HEATR5B: variants seen among roughly 807,000 people sequenced by gnomAD.
HEATR5B encodes the protein HEAT repeat-containing protein 5B.
Under a neutral mutation model 224.1 loss-of-function variants are expected in HEATR5B, and 156 were observed. That is an observed-to-expected ratio of 0.70 (90% CI 0.61 to 0.80). The LOEUF (loss-of-function observed/expected upper bound fraction) is 0.80. HEATR5B is among the 30% of genes least tolerant of loss of function. The pLI is 0.00. For synonymous variants in HEATR5B, 1,027 were observed against 893.0 expected (o/e 1.15, Z -2.68); for missense variants, 2,323 against 2,535.5 (o/e 0.92, Z 1.80).
At chr2:37,037,748 C>T in intron 21 of HEATR5B, 107 bp downstream of exon 21, 1 of 686,672 alleles carries the variant, frequency 1.5e-6, no homozygotes, top group Non-Finnish European at 2.1e-6. Flanking sequence ...CAAAATACCC[C>T]AAGTACCCCA....
chr2:37,082,101 C>T (rs1672615686), intron 2 of HEATR5B, among the ~76,000 whole-genome samples: 4 of 92,536 alleles, frequency 4.3e-5, no homozygotes, highest in Non-Finnish European at 5.9e-5. Flanking sequence ...TGGAGTTTCA[C>T]TCTTGTCCCC....
At chr2:37,012,600 G>C (rs1667854486) in intron 27 of HEATR5B, among the ~76,000 whole-genome samples, 1 of 152,142 alleles carries the variant, frequency 6.6e-6, no homozygotes, top group Non-Finnish European at 1.5e-5. Flanking sequence ...ATATTGGCCA[G>C]GCTGGTCTCG....
chr2:37,068,130 T>C (rs1395236982), intron 8 of HEATR5B, among the ~76,000 whole-genome samples: 1 of 152,180 alleles, frequency 6.6e-6, no homozygotes, highest in East Asian at 1.9e-4. Flanking sequence ...ATTTAAACCC[T>C]GAATTACTGC....
At chr2:37,033,977 G>A (rs1234000696) in intron 21 of HEATR5B, among the ~76,000 whole-genome samples, 6 of 152,136 alleles carry the variant, frequency 3.9e-5, no homozygotes, top group Non-Finnish European at 8.8e-5. Flanking sequence ...CTTTTAGAAA[G>A]AGTCCCAGAC....
intron 4 of HEATR5B, 72 bp downstream of exon 4, chr2:37,076,835 GAAAC>G: frequency 8.9e-7 from 1 of 1,120,858 alleles, no homozygotes; most frequent in Non-Finnish European, 1.3e-6. Flanking sequence ...GACAGAAAAA[GAAAC>G]AAACATATTT....
At chr2:36,988,947 T>A (rs1182411395) in intron 34 of HEATR5B, 88 bp from the exon 35 acceptor site, 1 of 931,556 alleles carries the variant, frequency 1.1e-6, no homozygotes, top group African/African-American at 1.7e-5. Flanking sequence ...GTACTGAAAA[T>A]AAGTGATACT....
intron 31 of HEATR5B, among the ~76,000 whole-genome samples, chr2:37,003,260 CAAAAAA>C (rs757178937): frequency 3.5e-5 from 2 of 56,872 alleles, no homozygotes; most frequent in African/African-American, 7.4e-5. Flanking sequence ...GTCCCGCCCG[CAAAAAA>C]AAAAAAAAAA....
At chr2:37,004,159 A>G (rs1331920855) in intron 30 of HEATR5B, among the ~76,000 whole-genome samples, 3 of 152,048 alleles carry the variant, frequency 2.0e-5, no homozygotes, top group Non-Finnish European at 2.9e-5. Context: ...CTTCCATACC[A>G]AATCCATCCA....
intron 27 of HEATR5B, among the ~76,000 whole-genome samples, chr2:37,010,017 C>A (rs1173111607): frequency 6.6e-6 from 1 of 152,146 alleles, no homozygotes; most frequent in African/African-American, 2.4e-5. Context: ...CATACATTAC[C>A]TGTATCCTTT....
At position 37,070,379 on chromosome 2, in the gene HEATR5B, G is replaced by T; in HGVS notation, c.778C>A (p.Gln260Lys). Residue 260 changes from glutamine to lysine, a missense_variant, in exon 7 of 36, where the codon CAG (glutamine) becomes AAG (lysine). Gln to Lys is a moderately conservative substitution (Grantham distance 53, BLOSUM62 1). Transcript: ENST00000233099. ...TCAAATGTTGCTCGCTTCACATTCTGACGCATTACTTTCAAGAAGAAAAAT... is the reference window on the plus strand; with the variant it reads ...TCAAATGTTGCTCGCTTCACATTCTTACGCATTACTTTCAAGAAGAAAAAT... ...LMPKQATVMR[Q>K]NVKRATFDEV... The T allele has an allele frequency of 6.2e-7, 1 of 1,612,090 alleles. No individual in the cohort carries two copies.
chr2:37,037,435 G>A (rs1164209381), intron 21 of HEATR5B, among the ~76,000 whole-genome samples: 5 of 151,788 alleles, frequency 3.3e-5, no homozygotes, highest in East Asian at 1.9e-4. Flanking sequence ...GAGCCACAGC[G>A]CCTGGCCCAA....
chr2:37,010,875 T>G (rs1420659739), intron 27 of HEATR5B, among the ~76,000 whole-genome samples: 1 of 151,928 alleles, frequency 6.6e-6, no homozygotes, highest in Non-Finnish European at 1.5e-5. Flanking sequence ...AGGCACCTTT[T>G]GCCTTGAATT....
At chr2:37,076,154 G>GT (rs1672218177) in intron 4 of HEATR5B, 1 of 125,156 alleles carries the variant, frequency 8.0e-6, no homozygotes, top group Non-Finnish European at 1.8e-5. Context: ...TCATCACAGT[G>GT]TATCACAATG....
Position 37,058,514 on chromosome 2 carries a change from C to G in HEATR5B, c.1996G>C (p.Ala666Pro). 2 of 1,613,378 alleles carry G rather than the reference C, an allele frequency of 1.2e-6. No individual in the cohort carries two copies. The highest frequency in any genetic ancestry group is 1.1e-5 in the South Asian group (1 of 91,068). ...KAHGAHLKAS[A>P]AMVRLRLYDI... The stretch of plus-strand genomic sequence containing the variant: ...TAAAGTCTTAAACGGACCATTGCAG[C>G]ACTAGCTTTCAGATGAGCTCCATGG... Residue 666 changes from alanine (A) to proline (P), a missense_variant, in exon 14 of 36, where the codon GCT (alanine) becomes CCT (proline). Coordinates refer to ENST00000233099, the MANE Select transcript of HEATR5B (RefSeq NM_019024.3).
At chr2:37,052,424 T>C (rs1027878367) in intron 17 of HEATR5B, among the ~76,000 whole-genome samples, 1 of 152,192 alleles carries the variant, frequency 6.6e-6, no homozygotes, top group African/African-American at 2.4e-5. Context: ...TAGGCACTTA[T>C]CACATACCAT....
chr2:37,019,771 T>G (rs1252920955), intron 26 of HEATR5B, 38 bp downstream of exon 26: 1 of 1,370,686 alleles, frequency 7.3e-7, no homozygotes, highest in South Asian at 1.2e-5. Flanking sequence ...TATGAATGTA[T>G]AGAAGACAAC....
At chr2:37,005,212 G>C (rs1667335731) in intron 30 of HEATR5B, among the ~76,000 whole-genome samples, 1 of 152,102 alleles carries the variant, frequency 6.6e-6, no homozygotes, top group Non-Finnish European at 1.5e-5. Context: ...GTTCGTATTT[G>C]CTATTCTTTC....
intron 21 of HEATR5B, among the ~76,000 whole-genome samples, chr2:37,035,983 C>G (rs1669451176): frequency 6.6e-6 from 1 of 152,170 alleles, no homozygotes; most frequent in African/African-American, 2.4e-5. Flanking sequence ...CCCTCTTCTC[C>G]AACTATGCCC....
chr2:37,065,073 CTGAAA>C (rs1671508686), intron 9 of HEATR5B, 83 bp from the exon 10 acceptor site: 2 of 1,381,840 alleles, frequency 1.4e-6, no homozygotes, highest in East Asian at 4.9e-5. Flanking sequence ...AAAACAATAA[CTGAAA>C]TGACAATCAC....
Sources: gnomAD v4.1 joint callset for allele counts (sites outside exome capture counted in the v4.1 genomes callset) on GRCh38, gnomAD v4.1.1 for gene constraint, MANE v1.5 for transcripts, NCBI Gene and HGNC (gene_info 2026-07-23, HGNC 2026-07-21) for gene names.